The following CCDC170 variants were observed in gnomAD, a reference collection of about 807,000 sequenced individuals.
CCDC170 encodes the protein coiled-coil domain containing 170, also known as coiled-coil domain-containing protein 170.
In CCDC170, 69 loss-of-function variants were observed where a neutral mutation model predicts 72.6. The observed-to-expected ratio is 0.95, with a 90% CI of 0.78 to 1.16. The LOEUF (loss-of-function observed/expected upper bound fraction) is 1.16. Ranked by LOEUF, CCDC170 falls within the 50% of genes most tolerant of loss-of-function variation. The probability of loss-of-function intolerance (pLI) is 0.00; values close to 1 mark genes in which losing one functional copy is unlikely to be tolerated. For missense variants in CCDC170, 852 were observed against 832.5 expected (o/e 1.02, Z -0.29); for synonymous variants, 300 against 303.9 (o/e 0.99, Z 0.13).
At chr6:151,598,207 G>A (rs969403669) in intron 9 of CCDC170, among the ~76,000 whole-genome samples, 2 of 152,176 alleles carry the variant, frequency 1.3e-5, no homozygotes, top group African/African-American at 4.8e-5. Context: ...CCCCTCAACA[G>A]TCCCTTTGCA....
intron 1 of CCDC170, among the ~76,000 whole-genome samples, chr6:151,529,719 T>TGTATGA (rs1410537303): frequency 2.6e-5 from 4 of 152,158 alleles, no homozygotes; most frequent in Non-Finnish European, 4.4e-5. Flanking sequence ...TCTATGCACA[T>TGTATGA]GTATGAGTAT....
At chr6:151,590,254 AT>A (rs570359373) in intron 7 of CCDC170, among the ~76,000 whole-genome samples, 3 of 152,124 alleles carry the variant, frequency 2.0e-5, no homozygotes, top group African/African-American at 7.2e-5. Flanking sequence ...AGAAAAAATC[AT>A]TTTTTCCTGT....
intron 1 of CCDC170, among the ~76,000 whole-genome samples, chr6:151,524,374 T>C (rs1007155660): frequency 4.6e-5 from 7 of 152,194 alleles, no homozygotes; most frequent in Non-Finnish European, 1.0e-4. Context: ...TCCTTTTGAC[T>C]TCTACTTTGA....
chr6:151,508,712 CAAAT>C (rs199589985), intron 1 of CCDC170, among the ~76,000 whole-genome samples: 1 of 149,808 alleles, frequency 6.7e-6, no homozygotes, highest in Non-Finnish European at 1.5e-5. Flanking sequence ...GACTCTGTCT[CAAAT>C]AAATAAATAA....
At chr6:151,516,546 G>C in intron 1 of CCDC170, among the ~76,000 whole-genome samples, 1 of 152,090 alleles carries the variant, frequency 6.6e-6, no homozygotes, top group Non-Finnish European at 1.5e-5. Context: ...AAATACCCAG[G>C]GTTTGTCATC....
chr6:151,578,106 T>C (rs1008518430), intron 6 of CCDC170, among the ~76,000 whole-genome samples: 2 of 152,104 alleles, frequency 1.3e-5, no homozygotes, highest in African/African-American at 4.8e-5. Context: ...ACACTTCCAT[T>C]TGGGACGTTT....
chr6:151,608,884 T>C (rs1776825863), intron 9 of CCDC170, among the ~76,000 whole-genome samples: 1 of 152,236 alleles, frequency 6.6e-6, no homozygotes, highest in Admixed American at 6.5e-5. Flanking sequence ...AGGCAGCTCA[T>C]TATACTGCGC....
At chr6:151,521,006 G>C (rs949809804) in intron 1 of CCDC170, among the ~76,000 whole-genome samples, 30 of 152,174 alleles carry the variant, frequency 2.0e-4, no homozygotes, top group African/African-American at 7.0e-4. Flanking sequence ...GCTCTGTCTA[G>C]GCAGCAGGCA....
At chr6:151,600,427 T>C (rs1169027445) in intron 9 of CCDC170, among the ~76,000 whole-genome samples, 1 of 152,238 alleles carries the variant, frequency 6.6e-6, no homozygotes, top group Non-Finnish European at 1.5e-5. Flanking sequence ...AATTCCAATC[T>C]GTGCCTCCCC....
At chr6:151,586,407 T>A (rs1776451547) in intron 7 of CCDC170, among the ~76,000 whole-genome samples, 1 of 152,194 alleles carries the variant, frequency 6.6e-6, no homozygotes, top group Non-Finnish European at 1.5e-5. Flanking sequence ...TTTGCTGTAC[T>A]ATAAGTTTAC....
At chr6:151,575,608 C>G (rs570801841) in intron 6 of CCDC170, among the ~76,000 whole-genome samples, 18 of 129,644 alleles carry the variant, frequency 1.4e-4, no homozygotes, top group African/African-American at 4.7e-4. Context: ...CGGCTCACTG[C>G]AATCTCCGCC....
At chr6:151,563,625 C>T (rs1776081962) in intron 5 of CCDC170, among the ~76,000 whole-genome samples, 1 of 152,078 alleles carries the variant, frequency 6.6e-6, no homozygotes, top group Admixed American at 6.5e-5. Flanking sequence ...AGTATGGTGC[C>T]CACAGTCTCA....
intron 1 of CCDC170, among the ~76,000 whole-genome samples, chr6:151,508,904 A>G (rs778100131): frequency 6.6e-6 from 1 of 151,614 alleles, no homozygotes; most frequent in Non-Finnish European, 1.5e-5. Flanking sequence ...AATCCCAGCT[A>G]CTTGGAGGGC....
chr6:151,572,658 T>TTTTGTTTTG (rs1562286242), intron 5 of CCDC170, among the ~76,000 whole-genome samples: 10 of 137,982 alleles, frequency 7.2e-5, no homozygotes, highest in Non-Finnish European at 1.1e-4. Context: ...TGTTTTTTTT[T>TTTTGTTTTG]TTTTTTTTTT....
intron 1 of CCDC170, among the ~76,000 whole-genome samples, chr6:151,528,787 A>G (rs4870031): frequency 0.9 from 136,817 of 151,908 alleles, 61,793 homozygotes; most frequent in East Asian, 0.99. Flanking sequence ...GCAGTGAGCC[A>G]AGATCGTGCC....
intron 5 of CCDC170, among the ~76,000 whole-genome samples, chr6:151,562,097 G>A (rs1776042021): frequency 1.3e-5 from 2 of 151,650 alleles, no homozygotes; most frequent in East Asian, 1.9e-4. Context: ...CTTAATATGG[G>A]CATCTAATCT....
At chr6:151,566,011 G>A (rs75436933) in intron 5 of CCDC170, among the ~76,000 whole-genome samples, 1 of 152,312 alleles carries the variant, frequency 6.6e-6, no homozygotes, top group African/African-American at 2.4e-5. Flanking sequence ...AGGGCAGAGT[G>A]TCTGCAGGGC....
At chr6:151,601,625 T>C (rs1776711588) in intron 9 of CCDC170, among the ~76,000 whole-genome samples, 1 of 152,294 alleles carries the variant, frequency 6.6e-6, no homozygotes, top group African/African-American at 2.4e-5. Context: ...TATAGAGAGA[T>C]TTATTTTAAA....
intron 1 of CCDC170, among the ~76,000 whole-genome samples, chr6:151,494,645 G>A (rs1200740384): frequency 2.0e-5 from 3 of 152,190 alleles, no homozygotes. Flanking sequence ...TGGTAATTCA[G>A]TTGTTCCTGA....
Sources: gnomAD v4.1 joint callset for allele counts (sites outside exome capture counted in the v4.1 genomes callset) on GRCh38, gnomAD v4.1.1 for gene constraint, MANE v1.5 for transcripts, NCBI Gene and HGNC (gene_info 2026-07-23, HGNC 2026-07-21) for gene names.